RIMS3: variants seen among roughly 807,000 people sequenced by gnomAD.
The protein encoded by RIMS3 is regulating synaptic membrane exocytosis protein 3.
A neutral mutation model predicts 29.2 loss-of-function variants in RIMS3; 15 were observed. The observed-to-expected ratio is 0.51, with a 90% CI of 0.34 to 0.79. The LOEUF (loss-of-function observed/expected upper bound fraction) is 0.79. Ranked by LOEUF, RIMS3 falls within the 30% of genes least tolerant of loss-of-function variation. The probability of loss-of-function intolerance (pLI) is 0.01; values close to 1 mark genes in which losing one functional copy is unlikely to be tolerated. For synonymous variants in RIMS3, 161 were observed against 170.1 expected (o/e 0.95, Z 0.41); for missense variants, 342 against 421.4 (o/e 0.81, Z 1.65).
At chr1:40,664,869 CA>C in intron 1 of RIMS3, among the ~76,000 whole-genome samples, 1 of 152,312 alleles carries the variant, frequency 6.6e-6, no homozygotes, top group African/African-American at 2.4e-5. Context: ...TGACCAACTG[CA>C]TTCCCAGCTT....
chr1:40,686,451 G>A, the RIMS3 span, among the ~76,000 whole-genome samples: 1 of 152,094 alleles, frequency 6.6e-6, no homozygotes, highest in Non-Finnish European at 1.5e-5. Flanking sequence ...AGGAGATCGA[G>A]ACCTTCCTGG....
chr1:40,628,681 G>A, intron 7 of RIMS3, 129 bp downstream of exon 7: 2 of 1,289,620 alleles, frequency 1.6e-6, no homozygotes, highest in Non-Finnish European at 1.1e-6. Flanking sequence ...GGTTGTGAAA[G>A]TAAATGAGTA....
the RIMS3 span, among the ~76,000 whole-genome samples, chr1:40,689,065 G>T: frequency 3.5e-4 from 53 of 152,290 alleles, no homozygotes; most frequent in Middle Eastern, 6.8e-3. Flanking sequence ...CAGTAACAAC[G>T]AAAACAATCT....
intron 6 of RIMS3, 73 bp downstream of exon 6, chr1:40,629,198 C>G: frequency 7.5e-7 from 1 of 1,332,272 alleles, no homozygotes. Flanking sequence ...CCAGTGGGAG[C>G]TGAGGACCTG....
chr1:40,648,927 C>A (rs1406500060), intron 1 of RIMS3, among the ~76,000 whole-genome samples: 1 of 152,228 alleles, frequency 6.6e-6, no homozygotes, highest in Non-Finnish European at 1.5e-5. Context: ...CATCGCATCA[C>A]CTGTGCCAAT....
chr1:40,675,631 A>T, the RIMS3 span, among the ~76,000 whole-genome samples: 1 of 151,220 alleles, frequency 6.6e-6, no homozygotes, highest in Non-Finnish European at 1.5e-5. Context: ...GGTGGTACAC[A>T]CCTGTAATCT....
chr1:40,653,852 T>A (rs990646866), intron 1 of RIMS3, among the ~76,000 whole-genome samples: 3 of 152,066 alleles, frequency 2.0e-5, no homozygotes, highest in African/African-American at 4.8e-5. Context: ...GGACCGCAGA[T>A]GAAAATGAGG....
At chr1:40,682,556 T>G in the RIMS3 span, among the ~76,000 whole-genome samples, 1 of 151,968 alleles carries the variant, frequency 6.6e-6, no homozygotes, top group African/African-American at 2.4e-5. Flanking sequence ...GAGGTAACTT[T>G]TGCATTCCCA....
At chr1:40,651,636 C>T (rs776079941) in intron 1 of RIMS3, among the ~76,000 whole-genome samples, 5 of 152,292 alleles carry the variant, frequency 3.3e-5, no homozygotes, top group Middle Eastern at 6.8e-3. Flanking sequence ...GGAACCTTGT[C>T]GTCGTCTTCA....
intron 1 of RIMS3, among the ~76,000 whole-genome samples, chr1:40,652,280 A>T (rs1642179436): frequency 6.6e-6 from 1 of 152,194 alleles, no homozygotes; most frequent in South Asian, 2.1e-4. Flanking sequence ...ATCAAACTGC[A>T]ATGTGCAGGT....
chr1:40,646,953 T>C (rs960748746), intron 2 of RIMS3, among the ~76,000 whole-genome samples: 1 of 151,646 alleles, frequency 6.6e-6, no homozygotes, highest in African/African-American at 2.4e-5. Flanking sequence ...CGATCTCGAC[T>C]CACTGCAACC....
intron 5 of RIMS3, among the ~76,000 whole-genome samples, chr1:40,632,418 T>TTATATATATATATATA (rs56394507): frequency 1.1e-5 from 1 of 87,986 alleles, no homozygotes; most frequent in African/African-American, 3.9e-5. Context: ...ACATATAAAT[T>TTATATATATATATATA]TATATATATA....
chr1:40,671,509 C>A, the RIMS3 span, among the ~76,000 whole-genome samples: 1 of 152,056 alleles, frequency 6.6e-6, no homozygotes, highest in African/African-American at 2.4e-5. Context: ...TAGCACCATC[C>A]CCTTGGTGCT....
Position 40,636,145 on chromosome 1 carries a change from C to A in RIMS3, c.218-88G>T. The stretch of plus-strand genomic sequence containing the variant: ...CTAAGAGTCCTGCCAAAGTCACTCT[C>A]TTGGCATGGGGGGTTGATGGGGAGG... On this transcript the variant is annotated intron_variant, in intron 3 of 7. Transcript: ENST00000372684. This position sits in a 1 kb window ranked among gnomAD's most constrained non-coding sequence, Gnocchi z 4.2. The A allele has an allele frequency of 6.6e-7, 1 of 1,517,514 alleles. No individual in the cohort carries two copies. Among genetic ancestry groups the A allele is most frequent in the Non-Finnish European group, 9.0e-7 (1 of 1,111,280 alleles). The allele number at this position is 1,517,514 out of a possible 1,614,324, so 94.0% of individuals were successfully genotyped here.
chr1:40,645,349 G>A (rs1646587572), intron 2 of RIMS3, among the ~76,000 whole-genome samples: 1 of 152,130 alleles, frequency 6.6e-6, no homozygotes, highest in South Asian at 2.1e-4. Context: ...TCTCTGTATT[G>A]TAGATAAGAA....
upstream of RIMS3, among the ~76,000 whole-genome samples, chr1:40,668,283 A>T (rs1642450066): frequency 6.7e-6 from 1 of 149,398 alleles, no homozygotes; most frequent in Non-Finnish European, 1.5e-5. Flanking sequence ...TTATCTGGGC[A>T]TGATTGCACA....
rs189165493 is a variant in RIMS3 at position 40,623,247 on chromosome 1, T to C, written c.*3270A>G. The stretch of plus-strand genomic sequence containing the variant: ...GAATTGGGTGGTAGAAGAAACCAGA[T>C]GGGGAGTCATTTTGGAGATGATTCT... On this transcript the variant is annotated 3_prime_UTR_variant, in exon 8 of 8. Coordinates refer to ENST00000372684, the MANE Select transcript of RIMS3 (RefSeq NM_014747.3). 2.3e-5 allele frequency: 9 copies of C among 396,458 alleles called. No individual in the cohort carries two copies. Among genetic ancestry groups the C allele is most frequent in the African/African-American group, 1.4e-4 (7 of 48,700 alleles). 24.6% of individuals were successfully genotyped at this position (396,458 alleles called of 1,614,324 possible). A position where few individuals can be genotyped will look rare whatever the true frequency, so the allele number is the denominator to read the frequency against.
At chr1:40,642,974 T>A (rs986590356) in intron 2 of RIMS3, among the ~76,000 whole-genome samples, 7 of 151,556 alleles carry the variant, frequency 4.6e-5, no homozygotes, top group Non-Finnish European at 1.0e-4. Context: ...AAAAAAATAT[T>A]ATATCATAAG....
intron 1 of RIMS3, among the ~76,000 whole-genome samples, chr1:40,661,709 A>T (rs1642354436): frequency 6.6e-6 from 1 of 152,232 alleles, no homozygotes; most frequent in African/African-American, 2.4e-5. Context: ...TAGAGATATC[A>T]TCAACTCCAT....
Sources: gnomAD v4.1 joint callset for allele counts (sites outside exome capture counted in the v4.1 genomes callset) on GRCh38, gnomAD v4.1.1 for gene constraint, Gnocchi (gnomAD v3.1) non-coding constraint, MANE v1.5 for transcripts, NCBI Gene and HGNC (gene_info 2026-07-23, HGNC 2026-07-21) for gene names.